Variants in ZNF714 observed in about 807,000 individuals in gnomAD.
The protein encoded by ZNF714 is zinc finger protein 714.
In ZNF714, 32 loss-of-function variants were observed where a neutral mutation model predicts 46.2. The observed-to-expected ratio is 0.69, with a 90% CI of 0.52 to 0.93. The LOEUF is 0.93. Among genes scored for constraint, ZNF714 ranks in the 40% least tolerant of loss-of-function variants. ZNF714 has a pLI of 0.00. For missense variants in ZNF714, 635 were observed against 646.3 expected (o/e 0.98, Z 0.19); for synonymous variants, 199 against 213.1 (o/e 0.93, Z 0.58).
At chr19:21,095,337 C>T (rs1969010567) in intron 2 of ZNF714, among the ~76,000 whole-genome samples, 3 of 152,136 alleles carry the variant, frequency 2.0e-5, no homozygotes, top group Non-Finnish European at 4.4e-5. Flanking sequence ...GTAGATCATG[C>T]GCCTGCTCTT....
chr19:21,109,880 T>G (rs1969410979), intron 4 of ZNF714, among the ~76,000 whole-genome samples: 1 of 152,166 alleles, frequency 6.6e-6, no homozygotes, highest in African/African-American at 2.4e-5. Context: ...TTGCTGAAAA[T>G]AATGGCTTCC....
intron 2 of ZNF714, among the ~76,000 whole-genome samples, chr19:21,095,282 T>G: frequency 6.6e-6 from 1 of 152,140 alleles, no homozygotes; most frequent in Admixed American, 6.5e-5. Context: ...TCCCATTATC[T>G]CAAGTAGCAG....
intron 4 of ZNF714, among the ~76,000 whole-genome samples, chr19:21,111,279 A>G (rs984113755): frequency 2.6e-5 from 4 of 152,056 alleles, no homozygotes; most frequent in African/African-American, 9.7e-5. Context: ...GAAGAGGTCT[A>G]TCACTTCCCT....
Position 21,094,729 on chromosome 19 carries a change from A to T in ZNF714, c.-84-3456A>T, listed in dbSNP as rs570723800. Reference sequence around the variant, plus strand: ...TTTAGTAAAGATAGGATTTCTCCATATTGGCCAGGCTGCTCTCAAACTCAT... The same window carrying T: ...TTTAGTAAAGATAGGATTTCTCCATTTTGGCCAGGCTGCTCTCAAACTCAT... On this transcript the variant is annotated intron_variant, in intron 2 of 4. Transcript: ENST00000456283. Among the ~76,000 whole-genome samples the T allele has an allele frequency of 5.3e-5, 8 of 152,166 alleles. No homozygotes were observed. In the South Asian group the frequency reaches 1.7e-3, roughly 32 times the overall value.
At position 21,117,934 on chromosome 19, in the gene ZNF714, C is replaced by T; in HGVS notation, c.1270C>T (p.Leu424Phe). ...KHKIIHTGEK[L>F]YKCEECGKAF... ...TAAGATAATTCATACTGGAGAGAAA[C>T]TCTACAAATGTGAAGAATGTGGCAA... Residue 424 changes from leucine (L) to phenylalanine (F), a missense_variant, in exon 5 of 5, where the codon CTC (leucine) becomes TTC (phenylalanine). Leu to Phe is a conservative substitution (Grantham distance 22). Transcript: ENST00000456283. The T allele has an allele frequency of 6.2e-7, 1 of 1,612,744 alleles. No individual in the cohort carries two copies. Among genetic ancestry groups the T allele is most frequent in the Non-Finnish European group, 8.5e-7 (1 of 1,179,756 alleles).
At chr19:21,092,976 C>T (rs536810073) in intron 2 of ZNF714, among the ~76,000 whole-genome samples, 1 of 133,310 alleles carries the variant, frequency 7.5e-6, no homozygotes, top group Admixed American at 8.9e-5. Context: ...GTGGTGCGAT[C>T]TCGGCTCACT....
chr19:21,085,873 G>C (rs1968766071), intron 2 of ZNF714, among the ~76,000 whole-genome samples: 1 of 89,434 alleles, frequency 1.1e-5, no homozygotes, highest in African/African-American at 3.2e-5. Flanking sequence ...AACAAAGTTA[G>C]GTTTATGTAA....
chr19:21,082,544 C>T (rs896566346), intron 1 of ZNF714, among the ~76,000 whole-genome samples, 196 bp downstream of exon 1: 3 of 152,080 alleles, frequency 2.0e-5, no homozygotes, highest in African/African-American at 7.2e-5. Flanking sequence ...CCCGGGCGTC[C>T]TGTCTTTTCC....
At position 21,117,473 on chromosome 19, in the gene ZNF714, C is replaced by T; in HGVS notation, c.809C>T (p.Ser270Leu). The change falls in exon 5 of 5, where the codon TCA becomes TTA. Residue 270 changes from serine (S) to leucine (L), a missense_variant. Physicochemically the swap from Ser to Leu is moderately radical, Grantham distance 145. Transcript: ENST00000456283. The part of the protein sequence containing the change: ...EECGKAFNHP[S>L]ALTTHKFIHV... Reference sequence around the variant, plus strand: ...TGTGGTAAAGCTTTTAACCACCCTTCAGCCCTTACTACACATAAGTTCATT... The same window carrying T: ...TGTGGTAAAGCTTTTAACCACCCTTTAGCCCTTACTACACATAAGTTCATT... 1 of 1,611,008 alleles carries T rather than the reference C, an allele frequency of 6.2e-7. No individual in the cohort carries two copies. The highest frequency in any genetic ancestry group is 1.1e-5 in the South Asian group (1 of 90,916).
At position 21,119,959 on chromosome 19, in the gene ZNF714, C is replaced by T. The variant is rs935623645; in HGVS notation, c.*1627C>T. ...TGTCATTCAACTCTGAAATTCCTGC[C>T]GTTTCTTCATTCCTATTGGATTCAC... On this transcript the variant is annotated 3_prime_UTR_variant, in exon 5 of 5. Coordinates refer to ENST00000456283, the MANE Select transcript of ZNF714 (RefSeq NM_182515.4). 1 of 152,082 alleles carries T rather than the reference C, an allele frequency of 6.6e-6. No individual in the cohort carries two copies. Among genetic ancestry groups the T allele is most frequent in the African/African-American group, 2.4e-5 (1 of 41,410 alleles). 9.4% of individuals were successfully genotyped at this position (152,082 alleles called of 1,614,324 possible).
intron 4 of ZNF714, among the ~76,000 whole-genome samples, chr19:21,104,954 T>C (rs559067713): frequency 2.0e-5 from 3 of 152,086 alleles, no homozygotes; most frequent in African/African-American, 7.2e-5. Flanking sequence ...AATCATTAAT[T>C]CTGCTTTTCT....
At chr19:21,114,261 A>G (rs1599553227) in intron 4 of ZNF714, among the ~76,000 whole-genome samples, 1 of 151,830 alleles carries the variant, frequency 6.6e-6, no homozygotes. Flanking sequence ...ACACAGTGAA[A>G]CCTCGTCTAC....
At chr19:21,104,147 A>G (rs1396934695) in intron 4 of ZNF714, among the ~76,000 whole-genome samples, 2 of 152,238 alleles carry the variant, frequency 1.3e-5, no homozygotes, top group Non-Finnish European at 2.9e-5. Flanking sequence ...TTCCCATGAC[A>G]TAATATTTTC....
intron 1 of ZNF714, among the ~76,000 whole-genome samples, chr19:21,082,737 G>T (rs1968685792): frequency 6.6e-6 from 1 of 152,042 alleles, no homozygotes; most frequent in Non-Finnish European, 1.5e-5. Context: ...AAATGTATGG[G>T]AGTCACCGTT....
chr19:21,091,324 A>G (rs1363772068), intron 2 of ZNF714: 1 of 152,196 alleles, frequency 6.6e-6, no homozygotes. Context: ...GGTGGGTTTT[A>G]TCCAGCTTCT....
intron 2 of ZNF714, among the ~76,000 whole-genome samples, chr19:21,093,318 C>T (rs545887275): frequency 7.9e-5 from 12 of 152,130 alleles, no homozygotes; most frequent in South Asian, 2.1e-4. Flanking sequence ...CCACAACCTC[C>T]GCCTCCTGGG....
rs538186642 is a variant in ZNF714, at chr19:21,117,449, G to A, written c.785G>A (p.Cys262Tyr). Residue 262 changes from cysteine to tyrosine, a missense_variant, in exon 5 of 5, where the codon TGT becomes TAT. Coordinates refer to ENST00000456283, the MANE Select transcript of ZNF714 (RefSeq NM_182515.4). ...TGEKPFKCEECGKAFNHPSAL... is the reference protein window; with the variant it reads ...TGEKPFKCEEYGKAFNHPSAL... ...GAGAAGCCCTTCAAATGTGAAGAATGTGGTAAAGCTTTTAACCACCCTTCA... is the reference window on the plus strand; with the variant it reads ...GAGAAGCCCTTCAAATGTGAAGAATATGGTAAAGCTTTTAACCACCCTTCA... The A allele has an allele frequency of 6.2e-7, 1 of 1,612,318 alleles. No individual in the cohort carries two copies. Among genetic ancestry groups the A allele is most frequent in the African/African-American group, 1.3e-5 (1 of 74,930 alleles).
intron 4 of ZNF714, among the ~76,000 whole-genome samples, chr19:21,099,364 G>T (rs981969792): frequency 6.6e-6 from 1 of 152,066 alleles, no homozygotes; most frequent in Non-Finnish European, 1.5e-5. Flanking sequence ...ATTTTTAGTA[G>T]AGACGGGTTT....
intron 4 of ZNF714, among the ~76,000 whole-genome samples, chr19:21,104,989 G>T (rs1366001965): frequency 6.7e-6 from 1 of 148,262 alleles, no homozygotes; most frequent in African/African-American, 2.5e-5. Context: ...TCCCATTTGG[G>T]TATATTTTTT....
Sources: gnomAD v4.1 joint callset for allele counts (sites outside exome capture counted in the v4.1 genomes callset) on GRCh38, gnomAD v4.1.1 for gene constraint, MANE v1.5 for transcripts, NCBI Gene and HGNC (gene_info 2026-07-23, HGNC 2026-07-21) for gene names.